The following ELOVL2 variants were observed in gnomAD, a reference collection of about 807,000 sequenced individuals.
ELOVL2 encodes very long chain fatty acid elongase 2.
A neutral mutation model predicts 37.7 loss-of-function variants in ELOVL2; 38 were observed. That is an observed-to-expected ratio of 1.01 (90% confidence interval 0.78 to 1.32). The LOEUF (loss-of-function observed/expected upper bound fraction) is 1.32. Among genes scored for constraint, ELOVL2 ranks in the 40% most tolerant of loss-of-function variants. The pLI is 0.00. For missense variants in ELOVL2, 352 were observed against 363.6 expected (o/e 0.97, Z 0.26); for synonymous variants, 115 against 122.3 (o/e 0.94, Z 0.40).
In ELOVL2 at chr6:10,989,619, A is replaced by G. The variant is rs1035320673; in HGVS notation, c.765+84T>C. 56 of 1,398,916 alleles carry G rather than the reference A, an allele frequency of 4.0e-5. No individual in the cohort carries two copies. In the Admixed American group the frequency reaches 9.6e-4, roughly 24 times the overall value. 86.7% of individuals were successfully genotyped at this position (1,398,916 alleles called of 1,614,324 possible). ...ATGCCACTGCACTCCAGCCTGGGCA[A>G]TAAGAGCGAAACTCTGTCTCCAAAA... On this transcript the variant is annotated intron_variant, in intron 7 of 7. Transcript: ENST00000354666.
At chr6:11,020,408 T>C (rs1782749121) in intron 1 of ELOVL2, among the ~76,000 whole-genome samples, 1 of 152,240 alleles carries the variant, frequency 6.6e-6, no homozygotes, top group South Asian at 2.1e-4. Flanking sequence ...TCTGTAGTAA[T>C]TGGCAATAAG....
intron 4 of ELOVL2, among the ~76,000 whole-genome samples, chr6:10,999,409 T>C (rs12525885): frequency 0.18 from 27,424 of 150,166 alleles, 3,352 homozygotes; most frequent in East Asian, 0.44. Flanking sequence ...GGAGTCTTGC[T>C]GTGTTGCTCA....
intron 1 of ELOVL2, among the ~76,000 whole-genome samples, chr6:11,034,800 C>T (rs931163903): frequency 7.9e-5 from 12 of 151,692 alleles, no homozygotes; most frequent in Middle Eastern, 3.4e-3. Flanking sequence ...GTCCGGAGTT[C>T]GAAACCAACC....
At chr6:11,019,230 C>T (rs957103363) in intron 1 of ELOVL2, among the ~76,000 whole-genome samples, 2 of 152,014 alleles carry the variant, frequency 1.3e-5, no homozygotes, top group South Asian at 2.1e-4. Flanking sequence ...AAATTTTTAT[C>T]CCTATTGAAT....
chr6:10,997,921 C>T (rs1782301421), intron 4 of ELOVL2, among the ~76,000 whole-genome samples: 1 of 152,028 alleles, frequency 6.6e-6, no homozygotes, highest in South Asian at 2.1e-4. Context: ...GATGTTTGTC[C>T]CCTCCAAATC....
intron 7 of ELOVL2, among the ~76,000 whole-genome samples, chr6:10,988,486 C>T: frequency 6.6e-6 from 1 of 152,184 alleles, no homozygotes. Flanking sequence ...ATCACTTGAA[C>T]CCAGGAAGCA....
In ELOVL2 at chr6:10,993,857, ATTTTTTTTTTTTT is replaced by A. The variant is rs530539525; in HGVS notation, c.505+1137_505+1149del. ...AAGTGCACGTCACCACGCCCAGCTA[ATTTTTTTTTTTTT>A]TTTTTTTTTTTTTTTTGGTAGAGAT... On this transcript the variant is annotated intron_variant, in intron 5 of 7. Coordinates refer to ENST00000354666, the MANE Select transcript of ELOVL2 (RefSeq NM_017770.4). Among the ~76,000 whole-genome samples the A allele has an allele frequency of 5.7e-3, 450 of 79,116 alleles. 5 individuals carry two copies. The highest frequency in any genetic ancestry group is 0.018 in the African/African-American group (410 of 23,182). 51.9% of individuals were successfully genotyped at this position (79,116 alleles called of 152,430 possible). A position where few individuals can be genotyped will look rare whatever the true frequency, so the allele number is the denominator to read the frequency against.
intron 1 of ELOVL2, among the ~76,000 whole-genome samples, chr6:11,040,744 C>T (rs1039064092): frequency 2.2e-4 from 33 of 152,132 alleles, no homozygotes; most frequent in African/African-American, 7.5e-4. Context: ...ATTTACTAAG[C>T]ACTCCAAGCA....
intron 1 of ELOVL2, among the ~76,000 whole-genome samples, chr6:11,036,476 A>G (rs1483391751): frequency 1.3e-5 from 2 of 152,222 alleles, no homozygotes; most frequent in Non-Finnish European, 2.9e-5. Flanking sequence ...ACAAAGGAAT[A>G]ACAATTCCCT....
intron 1 of ELOVL2, among the ~76,000 whole-genome samples, chr6:11,034,620 T>A (rs1365384105): frequency 3.3e-5 from 5 of 151,716 alleles, no homozygotes; most frequent in Admixed American, 6.6e-5. Flanking sequence ...GAGGCAGAGG[T>A]TGCAGTGAGC....
intron 1 of ELOVL2, among the ~76,000 whole-genome samples, chr6:11,027,991 C>T (rs1281318234): frequency 6.6e-6 from 1 of 152,196 alleles, no homozygotes; most frequent in Non-Finnish European, 1.5e-5. Flanking sequence ...ATCTTTCTTA[C>T]TCTGAACATC....
At chr6:11,043,383 G>A (rs923724881) in intron 1 of ELOVL2, 2 of 144,902 alleles carry the variant, frequency 1.4e-5, no homozygotes, top group African/African-American at 5.1e-5. Flanking sequence ...AAACTGTCAG[G>A]CAGTTCATCG....
chr6:11,040,663 C>A (rs1783084720), intron 1 of ELOVL2, among the ~76,000 whole-genome samples: 1 of 152,122 alleles, frequency 6.6e-6, no homozygotes, highest in Non-Finnish European at 1.5e-5. Flanking sequence ...GGGACAGAGA[C>A]ATCATTCTGA....
At chr6:10,985,426 A>T (rs1338896395) in intron 7 of ELOVL2, among the ~76,000 whole-genome samples, 2 of 132,226 alleles carry the variant, frequency 1.5e-5, no homozygotes, top group Non-Finnish European at 3.1e-5. Context: ...TTGGACATGA[A>T]GTCCTTGCCC....
At chr6:10,985,300 A>G (rs2113461653) in intron 7 of ELOVL2, among the ~76,000 whole-genome samples, 1 of 151,782 alleles carries the variant, frequency 6.6e-6, no homozygotes, top group African/African-American at 2.4e-5. Context: ...ATTTTCTCCC[A>G]TTCTGTAGGT....
chr6:10,990,096 AAAGT>A (rs1338038848), intron 6 of ELOVL2, among the ~76,000 whole-genome samples: 2 of 152,262 alleles, frequency 1.3e-5, no homozygotes, highest in Non-Finnish European at 2.9e-5. Context: ...ATTAATTTGA[AAAGT>A]AATCATCTAC....
chr6:10,983,664 A>G lies in ELOVL2; in HGVS notation c.*117T>C. 8.9e-7 allele frequency: 1 copy of G among 1,129,756 alleles called. No individual in the cohort carries two copies. The highest frequency in any genetic ancestry group is 2.6e-5 in the East Asian group (1 of 37,790). The allele number at this position is 1,129,756 out of a possible 1,614,324, so 70.0% of individuals were successfully genotyped here. A position where few individuals can be genotyped will look rare whatever the true frequency, so the allele number is the denominator to read the frequency against. On this transcript the variant is annotated 3_prime_UTR_variant, in exon 8 of 8. Transcript: ENST00000354666. The stretch of plus-strand genomic sequence containing the variant: ...TATTAATACATTCTGGGTACAAATG[A>G]TTTATGAACTCAAAAGAAATTAGTT...
At chr6:11,007,935 T>C (rs559931219) in intron 2 of ELOVL2, among the ~76,000 whole-genome samples, 12 of 152,352 alleles carry the variant, frequency 7.9e-5, no homozygotes, top group African/African-American at 2.6e-4. Flanking sequence ...TTGTTAAGGA[T>C]AATCATAGTT....
chr6:11,029,097 A>C (rs1346290509), intron 1 of ELOVL2, among the ~76,000 whole-genome samples: 1 of 149,396 alleles, frequency 6.7e-6, no homozygotes, highest in Non-Finnish European at 1.5e-5. Flanking sequence ...GAGTGTTAGC[A>C]CATGCCTGTA....
Sources: allele counts gnomAD v4.1 joint callset (sites outside exome capture counted in the v4.1 genomes callset), GRCh38; gene constraint gnomAD v4.1.1; transcripts MANE v1.5; gene names NCBI Gene and HGNC (gene_info 2026-07-23, HGNC 2026-07-21).